Variants in SLC24A2 observed in about 807,000 individuals in gnomAD.
The protein encoded by SLC24A2 is solute carrier family 24 member 2, also known as sodium/potassium/calcium exchanger 2.
SLC24A2 carries 36 observed loss-of-function variants against 62.0 expected under a neutral mutation model. The ratio of observed to expected loss-of-function variants is 0.58; its 90% confidence interval spans 0.44 to 0.77. The LOEUF (loss-of-function observed/expected upper bound fraction) is 0.77, where lower values mean the gene tolerates loss of function less well. Ranked by LOEUF, SLC24A2 falls within the 30% of genes least tolerant of loss-of-function variation. The pLI, the probability that SLC24A2 is intolerant of heterozygous loss-of-function variation, is 0.00. For synonymous variants in SLC24A2, 358 were observed against 294.0 expected (o/e 1.22, Z -2.23); for missense variants, 846 against 817.9 (o/e 1.03, Z -0.42).
At chr9:19,761,916 G>A (rs200987270) in intron 2 of SLC24A2, among the ~76,000 whole-genome samples, 4 of 152,084 alleles carry the variant, frequency 2.6e-5, no homozygotes, top group African/African-American at 9.7e-5. Context: ...AGTCTTTGCT[G>A]TCGTGAATAG....
the SLC24A2 span, among the ~76,000 whole-genome samples, chr9:20,193,132 G>C: frequency 2.4e-4 from 37 of 152,222 alleles, no homozygotes; most frequent in African/African-American, 8.7e-4. Context: ...ACAGGTGGTA[G>C]AACAGTCCAC....
the SLC24A2 span, among the ~76,000 whole-genome samples, chr9:19,893,281 G>A: frequency 6.6e-6 from 1 of 152,130 alleles, no homozygotes; most frequent in African/African-American, 2.4e-5. Flanking sequence ...TTGCTCTCTA[G>A]CAAGGAGCCT....
chr9:19,876,903 T>A, the SLC24A2 span, among the ~76,000 whole-genome samples: 1 of 152,160 alleles, frequency 6.6e-6, no homozygotes, highest in Admixed American at 6.6e-5. Flanking sequence ...AGCTGCCAGC[T>A]GTTTTCTGCT....
Position 19,509,406 on chromosome 9 carries a change from T to C in SLC24A2, c.*6747A>G, listed in dbSNP as rs1039497532. The C allele has an allele frequency of 2.0e-5, 3 of 152,284 alleles. No individual in the cohort carries two copies. Among genetic ancestry groups the C allele is most frequent in the East Asian group, 1.9e-4 (1 of 5,190 alleles). 9.4% of individuals were successfully genotyped at this position (152,284 alleles called of 1,614,324 possible). ...AAAAAATAGAACAGATAAACTCCAATTTACAATAAACAATACAAAACAGGA... is the reference window on the plus strand; with the variant it reads ...AAAAAATAGAACAGATAAACTCCAACTTACAATAAACAATACAAAACAGGA... On this transcript the variant is annotated 3_prime_UTR_variant, in exon 11 of 11. Coordinates refer to ENST00000341998, the MANE Select transcript of SLC24A2 (RefSeq NM_020344.4).
chr9:19,892,651 C>T, the SLC24A2 span, among the ~76,000 whole-genome samples: 6 of 152,082 alleles, frequency 3.9e-5, no homozygotes, highest in South Asian at 2.1e-4. Flanking sequence ...ATGTCCAGTT[C>T]GTTTCTAATG....
the SLC24A2 span, among the ~76,000 whole-genome samples, chr9:20,104,015 G>A: frequency 6.6e-6 from 1 of 152,194 alleles, no homozygotes; most frequent in Admixed American, 6.5e-5. Context: ...GGAGCTGATG[G>A]AGCTGAAAGC....
At chr9:20,077,710 AC>A in the SLC24A2 span, among the ~76,000 whole-genome samples, 1 of 152,166 alleles carries the variant, frequency 6.6e-6, no homozygotes, top group Non-Finnish European at 1.5e-5. Context: ...AGAAGAAGAA[AC>A]CTCTATTTAC....
chr9:19,837,234 T>C, the SLC24A2 span, among the ~76,000 whole-genome samples: 2 of 150,760 alleles, frequency 1.3e-5, no homozygotes, highest in Non-Finnish European at 3.0e-5. Flanking sequence ...GGGTGGATCA[T>C]GAGGTCAGGA....
intron 2 of SLC24A2, among the ~76,000 whole-genome samples, chr9:19,648,041 C>T (rs1465321928): frequency 6.6e-6 from 1 of 152,182 alleles, no homozygotes; most frequent in African/African-American, 2.4e-5. Context: ...CAAGCCAAGA[C>T]AGCCTTATTC....
intron 9 of SLC24A2, among the ~76,000 whole-genome samples, chr9:19,521,582 C>T (rs147113865): frequency 4.6e-5 from 7 of 152,288 alleles, no homozygotes; most frequent in Non-Finnish European, 7.3e-5. Context: ...CTGGGTGTTT[C>T]GGGTTTTGGT....
rs142117893 is a variant in SLC24A2, at chr9:19,672,933, G to C, written c.931-50634C>G. Among the ~76,000 whole-genome samples, 1,115 of 146,308 alleles carry C rather than the reference G, an allele frequency of 7.6e-3. 206 individuals carry two copies. The highest frequency in any genetic ancestry group is 0.029 in the African/African-American group (1,069 of 37,030). ...AAACTTCAGTTTTCTTAAATTTATT[G>C]AGACTTGTTTTATGGCCTATCATAT... On this transcript the variant is annotated intron_variant, in intron 2 of 10. Coordinates refer to ENST00000341998, the MANE Select transcript of SLC24A2 (RefSeq NM_020344.4).
At chr9:20,005,545 C>T in the SLC24A2 span, among the ~76,000 whole-genome samples, 1 of 151,948 alleles carries the variant, frequency 6.6e-6, no homozygotes, top group African/African-American at 2.4e-5. Flanking sequence ...TGAGCAAAGA[C>T]TTGAACTCAA....
chr9:19,903,343 G>C, the SLC24A2 span, among the ~76,000 whole-genome samples: 1 of 152,154 alleles, frequency 6.6e-6, no homozygotes, highest in Non-Finnish European at 1.5e-5. Flanking sequence ...GAGAGTGAGT[G>C]AGCTCTGGTC....
intron 2 of SLC24A2, among the ~76,000 whole-genome samples, chr9:19,736,641 C>T (rs1410727827): frequency 6.6e-6 from 1 of 152,024 alleles, no homozygotes; most frequent in Non-Finnish European, 1.5e-5. Context: ...GAGTTCAAGA[C>T]TAGCCTGGGC....
At chr9:19,536,114 G>A (rs1016404974) in intron 8 of SLC24A2, among the ~76,000 whole-genome samples, 1 of 149,410 alleles carries the variant, frequency 6.7e-6, no homozygotes, top group Non-Finnish European at 1.5e-5. Context: ...TTGTGAATGA[G>A]AGTTCACTCA....
the SLC24A2 span, among the ~76,000 whole-genome samples, chr9:20,228,223 C>T: frequency 2.0e-5 from 3 of 152,192 alleles, no homozygotes; most frequent in South Asian, 4.1e-4. Context: ...CCTAAATTTC[C>T]TCTTAGTAGA....
At chr9:20,296,274 A>G in the SLC24A2 span, among the ~76,000 whole-genome samples, 1 of 152,254 alleles carries the variant, frequency 6.6e-6, no homozygotes, top group African/African-American at 2.4e-5. Context: ...GAAAAACACA[A>G]GAAATCTCCC....
At chr9:20,241,679 T>C in the SLC24A2 span, among the ~76,000 whole-genome samples, 3 of 152,104 alleles carry the variant, frequency 2.0e-5, no homozygotes, top group Admixed American at 6.5e-5. Context: ...CCATCTGTCC[T>C]AGGAGAGGGG....
chr9:19,611,411 C>T (rs1202812704), intron 4 of SLC24A2, among the ~76,000 whole-genome samples: 4 of 143,508 alleles, frequency 2.8e-5, no homozygotes, highest in Non-Finnish European at 6.1e-5. Flanking sequence ...GGAGGGGAAA[C>T]GAGGGCAGAG....
Sources: gnomAD v4.1 joint callset for allele counts (sites outside exome capture counted in the v4.1 genomes callset) on GRCh38, gnomAD v4.1.1 for gene constraint, MANE v1.5 for transcripts, NCBI Gene and HGNC (gene_info 2026-07-23, HGNC 2026-07-21) for gene names.